The following KSR2 variants were observed in gnomAD, a reference collection of about 807,000 sequenced individuals.
KSR2 encodes kinase suppressor of ras 2.
In KSR2, 25 loss-of-function variants were observed where a neutral mutation model predicts 107.8. The observed-to-expected ratio is 0.23, with a 90% CI of 0.17 to 0.32. The LOEUF is 0.32. KSR2 is among the 10% of genes least tolerant of loss of function. KSR2 has a pLI of 1.00. For missense variants in KSR2, 887 were observed against 1,268.9 expected (o/e 0.70, Z 4.57); for synonymous variants, 480 against 507.0 (o/e 0.95, Z 0.71).
At position 117,464,003 on chromosome 12, in the gene KSR2, T is replaced by A. The variant is rs1173881289; in HGVS notation, c.*3196A>T. The A allele has an allele frequency of 6.6e-6, 1 of 151,766 alleles. No individual in the cohort carries two copies. Among genetic ancestry groups the A allele is most frequent in the Non-Finnish European group, 1.5e-5 (1 of 67,980 alleles). 9.4% of individuals were successfully genotyped at this position (151,766 alleles called of 1,614,324 possible). ...GGGGGGGTCCATGGCAAGATGAAAA[T>A]TTTCTCTTTGATCAGTAAAAGGAAT... is the stretch of plus-strand genomic sequence containing the variant. On this transcript the variant is annotated 3_prime_UTR_variant, in exon 20 of 20. Transcript: ENST00000339824.
intron 5 of KSR2, among the ~76,000 whole-genome samples, chr12:117,658,096 A>G (rs967446398): frequency 1.3e-5 from 2 of 152,254 alleles, no homozygotes; most frequent in Admixed American, 1.3e-4. Flanking sequence ...AAGAGAGAGC[A>G]TAGTTCAGTG....
chr12:117,715,032 C>G (rs759917273), intron 4 of KSR2, among the ~76,000 whole-genome samples: 12 of 152,102 alleles, frequency 7.9e-5, no homozygotes, highest in Non-Finnish European at 1.8e-4. Flanking sequence ...AAAAAACTCT[C>G]CTGGTGGTGA....
At chr12:117,503,004 T>A (rs996305651) in intron 14 of KSR2, among the ~76,000 whole-genome samples, 12 of 152,108 alleles carry the variant, frequency 7.9e-5, no homozygotes, top group African/African-American at 2.7e-4. Context: ...ATCATTTCAT[T>A]ACCCCAAGAG....
intron 3 of KSR2, among the ~76,000 whole-genome samples, chr12:117,772,319 AAC>A (rs1889513666): frequency 3.0e-5 from 2 of 66,112 alleles, no homozygotes; most frequent in African/African-American, 6.1e-5. Flanking sequence ...AAGACGCACA[AAC>A]ACACACTCAC....
chr12:117,867,847 C>T (rs1222530281), intron 1 of KSR2, among the ~76,000 whole-genome samples: 2 of 152,170 alleles, frequency 1.3e-5, no homozygotes, highest in East Asian at 1.9e-4. Flanking sequence ...GTTTGTTACA[C>T]AGCATTATGG....
chr12:117,645,142 A>G (rs1358912773), intron 5 of KSR2, among the ~76,000 whole-genome samples: 1 of 152,182 alleles, frequency 6.6e-6, no homozygotes, highest in Non-Finnish European at 1.5e-5. Flanking sequence ...GGAAGTTTGG[A>G]GCAGTCAAAG....
At chr12:117,652,951 C>T (rs538975874) in intron 5 of KSR2, among the ~76,000 whole-genome samples, 1 of 152,284 alleles carries the variant, frequency 6.6e-6, no homozygotes, top group Non-Finnish European at 1.5e-5. Flanking sequence ...ACATTGGCTC[C>T]CTGACTGGTA....
chr12:117,569,023 G>A (rs1052121531), intron 7 of KSR2, among the ~76,000 whole-genome samples: 11 of 152,098 alleles, frequency 7.2e-5, no homozygotes, highest in African/African-American at 9.7e-5. Flanking sequence ...CAGCAGCTGC[G>A]ACATCAGCAC....
At chr12:117,471,131 C>T (rs900450700) in intron 18 of KSR2, 60 bp downstream of exon 18, 8 of 1,593,284 alleles carry the variant, frequency 5.0e-6, no homozygotes, top group South Asian at 4.6e-5. Flanking sequence ...AAAAAGAAGG[C>T]CCATGACTGT....
At chr12:117,649,596 G>A (rs1055488612) in intron 5 of KSR2, among the ~76,000 whole-genome samples, 1 of 152,150 alleles carries the variant, frequency 6.6e-6, no homozygotes, top group African/African-American at 2.4e-5. Context: ...GCTTGGAGCT[G>A]GTAAGTAATA....
chr12:117,760,953 G>T (rs1888980481), intron 4 of KSR2, 58 bp downstream of exon 4: 2 of 1,603,752 alleles, frequency 1.2e-6, no homozygotes, highest in East Asian at 2.2e-5. Flanking sequence ...GGGACCAAGG[G>T]GCAGCCCCTC....
At chr12:117,911,097 G>A (rs1183277047) in intron 1 of KSR2, among the ~76,000 whole-genome samples, 1 of 151,712 alleles carries the variant, frequency 6.6e-6, no homozygotes, top group Non-Finnish European at 1.5e-5. Context: ...CCTTATCTAT[G>A]GTAGATCATT....
At chr12:117,519,799 CGTGTGTGTGTGCAT>C (rs1031612100) in intron 14 of KSR2, among the ~76,000 whole-genome samples, 2 of 151,316 alleles carry the variant, frequency 1.3e-5, no homozygotes, top group African/African-American at 4.9e-5. Flanking sequence ...TGTGTGTGCA[CGTGTGTGTGTGCAT>C]GGTTGTGCTG....
intron 4 of KSR2, among the ~76,000 whole-genome samples, chr12:117,744,621 G>A (rs1464523076): frequency 6.6e-6 from 1 of 152,210 alleles, no homozygotes; most frequent in Non-Finnish European, 1.5e-5. Flanking sequence ...CCATCACTCT[G>A]CAGCCACTGA....
At chr12:117,576,495 T>C (rs1879292027) in intron 7 of KSR2, among the ~76,000 whole-genome samples, 1 of 151,536 alleles carries the variant, frequency 6.6e-6, no homozygotes, top group Non-Finnish European at 1.5e-5. Flanking sequence ...TGCTTCTCCT[T>C]AAAAAAAAAT....
At chr12:117,800,584 T>A (rs1189353344) in intron 3 of KSR2, among the ~76,000 whole-genome samples, 3 of 152,174 alleles carry the variant, frequency 2.0e-5, no homozygotes, top group Non-Finnish European at 4.4e-5. Flanking sequence ...TTATTTTTAT[T>A]TTTTAAATGT....
At chr12:117,947,258 A>AAAGAC (rs1566094758) in intron 1 of KSR2, among the ~76,000 whole-genome samples, 16 of 72,354 alleles carry the variant, frequency 2.2e-4, no homozygotes, top group East Asian at 4.2e-4. Flanking sequence ...AGAAAGAAAG[A>AAAGAC]AGATAAACCA....
At chr12:117,656,955 T>TAC (rs1355253300) in intron 5 of KSR2, among the ~76,000 whole-genome samples, 1 of 97,544 alleles carries the variant, frequency 1.0e-5, no homozygotes, top group Admixed American at 1.2e-4. Flanking sequence ...TATATATATA[T>TAC]ATAATAGGAT....
intron 4 of KSR2, among the ~76,000 whole-genome samples, chr12:117,752,384 T>C (rs1888642027): frequency 6.6e-6 from 1 of 152,132 alleles, no homozygotes; most frequent in Admixed American, 6.5e-5. Flanking sequence ...AAGAAGTAAA[T>C]TGTGAAAAGG....
Sources: gnomAD v4.1 joint callset for allele counts (sites outside exome capture counted in the v4.1 genomes callset) on GRCh38, gnomAD v4.1.1 for gene constraint, MANE v1.5 for transcripts, NCBI Gene and HGNC (gene_info 2026-07-23, HGNC 2026-07-21) for gene names.